Variants in METTL25 observed in about 807,000 individuals in gnomAD.
METTL25 encodes methyltransferase like 25.
A neutral mutation model predicts 71.6 loss-of-function variants in METTL25; 64 were observed. The observed-to-expected ratio is 0.89, with a 90% confidence interval of 0.73 to 1.10. METTL25 has a LOEUF of 1.10. Ranked by LOEUF, METTL25 falls within the 50% of genes least tolerant of loss-of-function variation. METTL25 has a pLI of 0.00. For synonymous variants in METTL25, 287 were observed against 250.3 expected (o/e 1.15, Z -1.38); for missense variants, 807 against 707.0 (o/e 1.14, Z -1.60).
intron 9 of METTL25, among the ~76,000 whole-genome samples, chr12:82,459,670 G>A (rs1891731334): frequency 6.6e-6 from 1 of 152,082 alleles, no homozygotes; most frequent in Non-Finnish European, 1.5e-5. Flanking sequence ...GTATAGAAAT[G>A]AAGAATGTTT....
At chr12:82,422,186 A>G (rs956007368) in intron 5 of METTL25, among the ~76,000 whole-genome samples, 1 of 152,142 alleles carries the variant, frequency 6.6e-6, no homozygotes, top group African/African-American at 2.4e-5. Context: ...GCACATCAAA[A>G]AGCTTATCCA....
intron 4 of METTL25, among the ~76,000 whole-genome samples, chr12:82,402,038 T>A (rs1340985495): frequency 1.3e-5 from 2 of 152,036 alleles, no homozygotes; most frequent in Non-Finnish European, 2.9e-5. Context: ...AAATTCAACT[T>A]CAAAATGATT....
At chr12:82,431,542 C>T (rs546074470) in intron 6 of METTL25, among the ~76,000 whole-genome samples, 3 of 151,546 alleles carry the variant, frequency 2.0e-5, no homozygotes, top group South Asian at 2.1e-4. Context: ...TAAAGTACAA[C>T]GTAAGGACTA....
rs557748288 is a variant in METTL25, at chr12:82,389,936, C to G, written c.531+14C>G. ...GGAATAAAGCAGGTAAGAGTATTTC[C>G]GTATGTTTTTAGGTGTTAAAATTAT... On this transcript the variant is annotated intron_variant, in intron 3 of 11. Transcript: ENST00000248306. 1.1e-5 allele frequency: 16 copies of G among 1,431,086 alleles called. No homozygotes were observed. Among genetic ancestry groups the G allele is most frequent in the Non-Finnish European group, 1.6e-5 (16 of 1,020,920 alleles). The allele number at this position is 1,431,086 out of a possible 1,614,324, so 88.6% of individuals were successfully genotyped here.
intron 3 of METTL25, 138 bp from the exon 4 acceptor site, chr12:82,398,657 T>G (rs1886296457): frequency 2.3e-6 from 1 of 437,124 alleles, no homozygotes; most frequent in African/African-American, 2.0e-5. Context: ...GATGAGTGGT[T>G]GGTTTTTCAT....
chr12:82,363,732 A>AG (rs1882228927), intron 1 of METTL25, among the ~76,000 whole-genome samples: 1 of 5,110 alleles, frequency 2.0e-4, no homozygotes, highest in Non-Finnish European at 2.1e-3. Context: ...CTAGATGTTT[A>AG]AAAAAAAAAA....
intron 1 of METTL25, among the ~76,000 whole-genome samples, chr12:82,373,061 A>G (rs1454308197): frequency 6.6e-6 from 1 of 152,162 alleles, no homozygotes. Context: ...CCTAGACCAC[A>G]AAGAGGCCCA....
chr12:82,439,953 C>T (rs777269155), intron 8 of METTL25: 3 of 325,918 alleles, frequency 9.2e-6, no homozygotes, highest in African/African-American at 4.5e-5. Flanking sequence ...TTCCAACGCT[C>T]CACATGCCTG....
chr12:82,415,194 A>C (rs1887875178), intron 5 of METTL25, among the ~76,000 whole-genome samples: 1 of 152,086 alleles, frequency 6.6e-6, no homozygotes, highest in African/African-American at 2.4e-5. Context: ...ATTAATAAAA[A>C]ATGTTTTAAT....
At chr12:82,373,014 C>G (rs898156306) in intron 1 of METTL25, among the ~76,000 whole-genome samples, 1 of 152,062 alleles carries the variant, frequency 6.6e-6, no homozygotes, top group Non-Finnish European at 1.5e-5. Flanking sequence ...TGGCCCTTAC[C>G]GACGCATTCT....
chr12:82,377,594 A>G (rs1884002407), intron 1 of METTL25, among the ~76,000 whole-genome samples: 1 of 152,222 alleles, frequency 6.6e-6, no homozygotes, highest in African/African-American at 2.4e-5. Flanking sequence ...TTAGTCTACC[A>G]GTGAAAAAAG....
chr12:82,399,523 A>C, intron 4 of METTL25, 129 bp downstream of exon 4: 1 of 758,506 alleles, frequency 1.3e-6, no homozygotes, highest in Non-Finnish European at 2.1e-6. Flanking sequence ...TGAAATCATA[A>C]GTAGGCTTTC....
chr12:82,409,850 G>A (rs562099046), intron 5 of METTL25, among the ~76,000 whole-genome samples: 6 of 152,162 alleles, frequency 3.9e-5, no homozygotes, highest in South Asian at 4.1e-4. Context: ...AGAGGGTCAC[G>A]AATCATCTTT....
intron 6 of METTL25, among the ~76,000 whole-genome samples, chr12:82,433,967 C>G (rs1281802153): frequency 6.6e-6 from 1 of 150,940 alleles, no homozygotes; most frequent in African/African-American, 2.4e-5. Flanking sequence ...TCAGAATACT[C>G]TATTCCATAT....
In METTL25 at chr12:82,377,242, G is replaced by A. The variant is rs369952408; in HGVS notation, c.260-9561G>A. ...GTCAAAAAAGTAAATATCACATGTG[G>A]CTGATTCTTCTCTGGATCAAGTGGT... On this transcript the variant is annotated intron_variant, in intron 1 of 11. Transcript: ENST00000248306. 8.9e-4 allele frequency among the ~76,000 whole-genome samples: 136 copies of A among 152,184 alleles called. 2 individuals carry two copies. Among genetic ancestry groups the A allele is most frequent in the African/African-American group, 3.0e-3 (126 of 41,544 alleles).
At chr12:82,424,375 G>A (rs1430486384) in intron 5 of METTL25, among the ~76,000 whole-genome samples, 1 of 151,958 alleles carries the variant, frequency 6.6e-6, no homozygotes, top group East Asian at 1.9e-4. Context: ...ATCACACCCC[G>A]GGGCCTGTTG....
At chr12:82,441,376 A>C (rs1391564040) in intron 8 of METTL25, among the ~76,000 whole-genome samples, 2 of 151,900 alleles carry the variant, frequency 1.3e-5, no homozygotes, top group Non-Finnish European at 2.9e-5. Flanking sequence ...CCAAAATCAA[A>C]GATAAACTAC....
At chr12:82,405,677 A>G (rs1002184069) in intron 5 of METTL25, among the ~76,000 whole-genome samples, 5 of 152,202 alleles carry the variant, frequency 3.3e-5, no homozygotes, top group African/African-American at 7.2e-5. Context: ...GGCATGTTAG[A>G]TAGAGAGGGC....
At chr12:82,478,877 C>T (rs1893037122) in intron 11 of METTL25, 55 bp from the exon 12 acceptor site, 46 of 1,381,172 alleles carry the variant, frequency 3.3e-5, no homozygotes, top group Admixed American at 6.8e-5. Context: ...CAACTCGCGT[C>T]TAATTTTTTT....
Sources: allele counts gnomAD v4.1 joint callset (sites outside exome capture counted in the v4.1 genomes callset), GRCh38; gene constraint gnomAD v4.1.1; transcripts MANE v1.5; gene names NCBI Gene and HGNC (gene_info 2026-07-23, HGNC 2026-07-21).